TENM4: variants seen among roughly 807,000 people sequenced by gnomAD.
TENM4 encodes teneurin-4.
TENM4 carries 82 observed loss-of-function variants against 243.3 expected under a neutral mutation model. The observed-to-expected ratio is 0.34, with a 90% confidence interval of 0.28 to 0.40. TENM4 has a LOEUF of 0.40. Ranked by LOEUF, TENM4 falls within the 10% of genes least tolerant of loss-of-function variation. TENM4 has a pLI of 1.00. For missense variants in TENM4, 3,138 were observed against 3,673.3 expected (o/e 0.85, Z 3.77); for synonymous variants, 1,412 against 1,456.3 (o/e 0.97, Z 0.69).
At chr11:78,751,036 C>T (rs1423193323) in intron 19 of TENM4, among the ~76,000 whole-genome samples, 1 of 152,162 alleles carries the variant, frequency 6.6e-6, no homozygotes, top group African/African-American at 2.4e-5. Context: ...TGCACCACCA[C>T]ACCTGGCTAA....
intron 14 of TENM4, among the ~76,000 whole-genome samples, chr11:78,807,997 A>T (rs1204230197): frequency 1.3e-5 from 2 of 152,386 alleles, no homozygotes; most frequent in East Asian, 3.9e-4. Flanking sequence ...CAAAGAGGTT[A>T]TCTTCCTATC....
intron 2 of TENM4, among the ~76,000 whole-genome samples, chr11:79,269,210 T>G (rs1855929036): frequency 6.6e-6 from 1 of 152,250 alleles, no homozygotes; most frequent in Non-Finnish European, 1.5e-5. Flanking sequence ...CTAAAATTAC[T>G]GTTACAAAAT....
intron 21 of TENM4, among the ~76,000 whole-genome samples, chr11:78,731,015 G>T (rs1361673285): frequency 6.6e-6 from 1 of 152,144 alleles, no homozygotes; most frequent in African/African-American, 2.4e-5. Flanking sequence ...ACTTGCAAAG[G>T]TTAACCTGTG....
At position 78,969,345 on chromosome 11, in the gene TENM4, TTC is replaced by T. The variant is rs1857496352; in HGVS notation, c.494-65824_494-65823del. Among the ~76,000 whole-genome samples, 11 of 152,320 alleles carry T rather than the reference TTC, an allele frequency of 7.2e-5. No individual in the cohort carries two copies. The South Asian group carries it at 2.3e-3, about 32-fold the overall frequency. ...GAATCCTAAGATCTGCAGAAACAAT[TTC>T]TGTTACTCACATCCTTGTGTGAATC... is the stretch of plus-strand genomic sequence containing the variant. On this transcript the variant is annotated intron_variant, in intron 6 of 33. Transcript: ENST00000278550.
At chr11:79,050,798 T>TA (rs1859772079) in intron 6 of TENM4, among the ~76,000 whole-genome samples, 1 of 152,318 alleles carries the variant, frequency 6.6e-6, no homozygotes, top group East Asian at 1.9e-4. Context: ...TTTGGCTATT[T>TA]ATTTGAGGGA....
chr11:79,320,917 GTC>G (rs1216583140), intron 1 of TENM4, among the ~76,000 whole-genome samples: 1 of 152,200 alleles, frequency 6.6e-6, no homozygotes, highest in Admixed American at 6.5e-5. Flanking sequence ...TGAGCTAGGT[GTC>G]TCTGCATAAA....
At chr11:79,210,084 A>G (rs1863928345) in intron 3 of TENM4, among the ~76,000 whole-genome samples, 1 of 152,210 alleles carries the variant, frequency 6.6e-6, no homozygotes, top group Admixed American at 6.5e-5. Flanking sequence ...TCTTAGCCTC[A>G]TAAGGTTTGT....
chr11:79,138,482 A>G (rs1565219416), intron 4 of TENM4, among the ~76,000 whole-genome samples: 1 of 118,526 alleles, frequency 8.4e-6, no homozygotes, highest in Admixed American at 1.1e-4. Flanking sequence ...ATATACAAAT[A>G]ATATATATTT....
chr11:78,672,138 G>A lies in TENM4; in HGVS notation c.5688C>T (p.Ile1896=). Residue 1896 remains isoleucine (I), a synonymous_variant, in exon 31 of 34, where the codon ATC becomes ATT. Transcript: ENST00000278550. ...TTCTTTCAGACATGATGCCCCTCTG[G>A]ATGCCAGCAATGTAACCCCCAGGGG... ...TYSPGGYIAG[I]QRGIMSERME... The A allele has an allele frequency of 2.5e-6, 4 of 1,613,782 alleles. No homozygotes were observed. Among genetic ancestry groups the A allele is most frequent in the Non-Finnish European group, 3.4e-6 (4 of 1,179,838 alleles).
At chr11:79,092,444 T>C (rs1860981311) in intron 4 of TENM4, among the ~76,000 whole-genome samples, 1 of 152,218 alleles carries the variant, frequency 6.6e-6, no homozygotes, top group South Asian at 2.1e-4. Context: ...CTCGGGAGAC[T>C]GCGTCATTCG....
intron 4 of TENM4, among the ~76,000 whole-genome samples, chr11:79,075,340 G>C (rs1860513501): frequency 6.6e-6 from 1 of 152,226 alleles, no homozygotes; most frequent in Admixed American, 6.5e-5. Flanking sequence ...TCCTGACAGT[G>C]ATAGAATGAG....
intron 6 of TENM4, among the ~76,000 whole-genome samples, chr11:78,907,749 T>C (rs1038348151): frequency 1.2e-4 from 18 of 152,160 alleles, no homozygotes; most frequent in African/African-American, 4.3e-4. Flanking sequence ...ACAACTCAGG[T>C]AGTTGGGCTT....
At chr11:78,929,293 A>G (rs1271524310) in intron 6 of TENM4, among the ~76,000 whole-genome samples, 1 of 152,324 alleles carries the variant, frequency 6.6e-6, no homozygotes, top group East Asian at 1.9e-4. Flanking sequence ...AACTGCTTCC[A>G]TGTGCGGCAG....
chr11:78,986,149 C>G (rs182635746), intron 6 of TENM4, among the ~76,000 whole-genome samples: 1 of 152,140 alleles, frequency 6.6e-6, no homozygotes, highest in East Asian at 1.9e-4. Flanking sequence ...AAATGTGATA[C>G]AAATTTGCAG....
intron 6 of TENM4, among the ~76,000 whole-genome samples, chr11:78,982,084 T>C (rs1857809249): frequency 6.6e-6 from 1 of 152,146 alleles, no homozygotes; most frequent in Non-Finnish European, 1.5e-5. Context: ...AACCGATAAG[T>C]AGGATAATAA....
At chr11:78,815,377 C>T (rs1591044397) in intron 12 of TENM4, among the ~76,000 whole-genome samples, 1 of 147,494 alleles carries the variant, frequency 6.8e-6, no homozygotes, top group Non-Finnish European at 1.5e-5. Context: ...CAGAGTGAGA[C>T]TGTGTCTCAA....
rs187727916 is a variant in TENM4, at chr11:78,865,225, T to C, written c.1085-2093A>G. Among the ~76,000 whole-genome samples the C allele has an allele frequency of 4.6e-5, 7 of 152,378 alleles. No homozygotes were observed. The East Asian group carries it at 1.3e-3, about 29-fold the overall frequency. ...TCCTTTAACTCTCACAATAATCCTATGAGGTATTAATAACCCCATTTTACA... is the reference window on the plus strand; with the variant it reads ...TCCTTTAACTCTCACAATAATCCTACGAGGTATTAATAACCCCATTTTACA... On this transcript the variant is annotated intron_variant, in intron 9 of 33. Transcript: ENST00000278550.
At chr11:79,295,646 G>A (rs1856436907) in intron 2 of TENM4, among the ~76,000 whole-genome samples, 2 of 152,122 alleles carry the variant, frequency 1.3e-5, no homozygotes, top group South Asian at 4.1e-4. Flanking sequence ...GGTGGGAGTG[G>A]GGGCTGCAGA....
chr11:78,980,998 C>A (rs1320197297), intron 6 of TENM4, among the ~76,000 whole-genome samples: 2 of 152,174 alleles, frequency 1.3e-5, no homozygotes, highest in African/African-American at 4.8e-5. Flanking sequence ...GGATTGGAAC[C>A]TGTGACTGAT....
Sources: gnomAD v4.1 joint callset for allele counts (sites outside exome capture counted in the v4.1 genomes callset) on GRCh38, gnomAD v4.1.1 for gene constraint, MANE v1.5 for transcripts, NCBI Gene and HGNC (gene_info 2026-07-23, HGNC 2026-07-21) for gene names.